The following XKR6 variants were observed in gnomAD, a reference collection of about 807,000 sequenced individuals.
The protein encoded by XKR6 is XK related 6, also known as XK-related protein 6.
Under a neutral mutation model 56.7 loss-of-function variants are expected in XKR6, and 22 were observed. The ratio of observed to expected loss-of-function variants is 0.39; its 90% CI spans 0.28 to 0.55. The LOEUF is 0.55. XKR6 is among the 20% of genes least tolerant of loss of function. The probability of loss-of-function intolerance (pLI) is 0.66; values close to 1 mark genes in which losing one functional copy is unlikely to be tolerated. For missense variants in XKR6, 852 were observed against 889.0 expected (o/e 0.96, Z 0.53); for synonymous variants, 524 against 387.8 (o/e 1.35, Z -4.13).
intron 2 of XKR6, among the ~76,000 whole-genome samples, chr8:10,912,607 AAG>A (rs1800429265): frequency 7.2e-6 from 1 of 138,932 alleles, no homozygotes; most frequent in Non-Finnish European, 1.6e-5. Flanking sequence ...GAGAGAGAGA[AAG>A]AGGGTGTGTG....
rs1037188715 is a variant in XKR6, at chr8:11,120,483, T to C, written c.764+80093A>G. On this transcript the variant is annotated intron_variant, in intron 1 of 2. Coordinates refer to ENST00000416569, the MANE Select transcript of XKR6 (RefSeq NM_173683.4). ...GTCTAGGAATCCAACTTACAAGGGA[T>C]GTGAAGGACCTCTTCAAGGAGAACT... Among the ~76,000 whole-genome samples, 4 of 152,122 alleles carry C rather than the reference T, an allele frequency of 2.6e-5. No homozygotes were observed. The East Asian group carries it at 7.7e-4, about 29-fold the overall frequency.
At chr8:11,021,473 AC>A (rs1297656041) in intron 1 of XKR6, among the ~76,000 whole-genome samples, 1 of 152,216 alleles carries the variant, frequency 6.6e-6, no homozygotes, top group African/African-American at 2.4e-5. Context: ...CATTCATAAC[AC>A]AAATATAAAT....
In XKR6 at chr8:11,181,556, T is replaced by G. The variant is rs924623173; in HGVS notation, c.764+19020A>C. ...CATTGTTAGACCTTTATTTGGAGAA[T>G]TTATTAATATTTTGAACACATAAGC... On this transcript the variant is annotated intron_variant, in intron 1 of 2. Coordinates refer to ENST00000416569, the MANE Select transcript of XKR6 (RefSeq NM_173683.4). Among the ~76,000 whole-genome samples the G allele has an allele frequency of 2.0e-5, 3 of 152,344 alleles. No homozygotes were observed. In the East Asian group the frequency reaches 5.8e-4, roughly 29 times the overall value.
intron 2 of XKR6, among the ~76,000 whole-genome samples, chr8:10,915,417 A>AT (rs915150996): frequency 1.3e-5 from 2 of 152,078 alleles, no homozygotes; most frequent in Non-Finnish European, 2.9e-5. Flanking sequence ...CTGTTCCAGC[A>AT]TTTCATGTGC....
intron 1 of XKR6, chr8:11,195,007 A>G (rs996268970): frequency 2.4e-5 from 14 of 588,024 alleles, no homozygotes; most frequent in Non-Finnish European, 4.2e-5. Flanking sequence ...GTTCACTCAA[A>G]AACAAGAAAT....
At chr8:11,102,773 T>A (rs986236090) in intron 1 of XKR6, among the ~76,000 whole-genome samples, 2 of 152,212 alleles carry the variant, frequency 1.3e-5, no homozygotes, top group Admixed American at 6.5e-5. Context: ...TCAGCATTCA[T>A]GAAAACCTAG....
intron 1 of XKR6, among the ~76,000 whole-genome samples, chr8:11,003,669 C>G (rs904718665): frequency 1.2e-4 from 19 of 152,220 alleles, no homozygotes; most frequent in African/African-American, 4.6e-4. Context: ...GCAGCCTGCT[C>G]AAAGTCAAAC....
intron 1 of XKR6, among the ~76,000 whole-genome samples, chr8:10,956,004 G>A (rs1460838820): frequency 1.3e-5 from 2 of 152,342 alleles, no homozygotes; most frequent in East Asian, 1.9e-4. Flanking sequence ...AGATGGAGAA[G>A]AATGGGCAGG....
chr8:11,086,511 G>A (rs1444918868), intron 1 of XKR6, among the ~76,000 whole-genome samples: 1 of 152,162 alleles, frequency 6.6e-6, no homozygotes, highest in African/African-American at 2.4e-5. Flanking sequence ...TTCCTAACGG[G>A]AGGAACACAC....
In XKR6 at chr8:11,119,216, G is replaced by A. The variant is rs1799327707; in HGVS notation, c.764+81360C>T. Among the ~76,000 whole-genome samples, 4 of 152,118 alleles carry A rather than the reference G, an allele frequency of 2.6e-5. No individual in the cohort carries two copies. In the South Asian group the frequency reaches 8.3e-4, roughly 32 times the overall value. ...TGTTCTTTTACATTTGCTGAGGAGT[G>A]CTTTACTTCCAACTATGTGGTCAAT... On this transcript the variant is annotated intron_variant, in intron 1 of 2. Transcript: ENST00000416569.
chr8:11,120,458 G>A (rs1206336104), intron 1 of XKR6, among the ~76,000 whole-genome samples: 6 of 152,110 alleles, frequency 3.9e-5, no homozygotes, highest in African/African-American at 9.7e-5. Flanking sequence ...AGAATAAAAT[G>A]TCTAGGAATC....
chr8:11,123,652 T>C (rs1799589104), intron 1 of XKR6: 2 of 335,798 alleles, frequency 6.0e-6, no homozygotes, highest in South Asian at 2.4e-5. Context: ...AAGTTTAAAA[T>C]ACTCAAATAT....
At chr8:11,018,737 G>C (rs928242920) in intron 1 of XKR6, among the ~76,000 whole-genome samples, 1 of 152,034 alleles carries the variant, frequency 6.6e-6, no homozygotes, top group Non-Finnish European at 1.5e-5. Flanking sequence ...CTGAAACATG[G>C]TCCATTAAGC....
intron 1 of XKR6, among the ~76,000 whole-genome samples, chr8:11,053,948 T>C (rs910157638): frequency 1.3e-5 from 2 of 152,186 alleles, no homozygotes; most frequent in African/African-American, 2.4e-5. Flanking sequence ...GGAGGGAACA[T>C]GGGAAAATGC....
intron 1 of XKR6, among the ~76,000 whole-genome samples, chr8:11,156,848 T>C (rs534587327): frequency 1.1e-4 from 16 of 151,108 alleles, no homozygotes; most frequent in African/African-American, 3.2e-4. Context: ...CACACACACA[T>C]ACACACACAC....
At chr8:11,073,449 G>A (rs1430092210) in intron 1 of XKR6, among the ~76,000 whole-genome samples, 3 of 152,198 alleles carry the variant, frequency 2.0e-5, no homozygotes, top group African/African-American at 7.2e-5. Context: ...AAGGCAGAGT[G>A]AGACATGCCT....
chr8:11,120,311 T>C (rs1243160077), intron 1 of XKR6, among the ~76,000 whole-genome samples: 2 of 152,216 alleles, frequency 1.3e-5, no homozygotes, highest in African/African-American at 2.4e-5. Context: ...CAAAATCTCC[T>C]TAAGCTGATA....
chr8:11,198,952 A>C (rs1293423736), intron 1 of XKR6, among the ~76,000 whole-genome samples: 1 of 151,504 alleles, frequency 6.6e-6, no homozygotes, highest in African/African-American at 2.4e-5. Context: ...TACCAAACAC[A>C]CTACCTTTCA....
chr8:11,021,889 C>T (rs945315884), intron 1 of XKR6, among the ~76,000 whole-genome samples: 4 of 152,004 alleles, frequency 2.6e-5, no homozygotes, highest in African/African-American at 9.7e-5. Flanking sequence ...CCATATAAAC[C>T]TTTTTCCTCC....
Sources: gnomAD v4.1 joint callset for allele counts (sites outside exome capture counted in the v4.1 genomes callset) on GRCh38, gnomAD v4.1.1 for gene constraint, MANE v1.5 for transcripts, NCBI Gene and HGNC (gene_info 2026-07-23, HGNC 2026-07-21) for gene names.